DFFB: variants seen among roughly 807,000 people sequenced by gnomAD.
DFFB encodes DNA fragmentation factor subunit beta.
Under a neutral mutation model 32.7 loss-of-function variants are expected in DFFB, and 29 were observed. That is an observed-to-expected ratio of 0.89 (90% CI 0.66 to 1.21). The LOEUF (loss-of-function observed/expected upper bound fraction) is 1.21. Ranked by LOEUF, DFFB falls within the 50% of genes most tolerant of loss-of-function variation. The probability of loss-of-function intolerance (pLI) is 0.00; values close to 1 mark genes in which losing one functional copy is unlikely to be tolerated. For synonymous variants in DFFB, 170 were observed against 177.1 expected (o/e 0.96, Z 0.32); for missense variants, 398 against 440.6 (o/e 0.90, Z 0.87).
At chr1:3,862,167 T>C (rs1261455120) in intron 2 of DFFB, among the ~76,000 whole-genome samples, 1 of 152,238 alleles carries the variant, frequency 6.6e-6, no homozygotes, top group Non-Finnish European at 1.5e-5. Context: ...CAAAAAATTG[T>C]AATACTTATA....
In DFFB at chr1:3,884,002, G is replaced by A; in HGVS notation, c.*261G>A. On this transcript the variant is annotated 3_prime_UTR_variant, in exon 7 of 7. Transcript: ENST00000378209. Reference sequence around the variant, plus strand: ...AGTGTAGTGGCGCGATCTCGGCTCAGCCTCCCGAGTAGCTGGGATTACAGG... The same window carrying A: ...AGTGTAGTGGCGCGATCTCGGCTCAACCTCCCGAGTAGCTGGGATTACAGG... 1 of 441,660 alleles carries A rather than the reference G, an allele frequency of 2.3e-6. No homozygotes were observed. The highest frequency in any genetic ancestry group is 4.1e-6 in the Non-Finnish European group (1 of 243,018). The allele number at this position is 441,660 out of a possible 1,614,324, so 27.4% of individuals were successfully genotyped here. A position where few individuals can be genotyped will look rare whatever the true frequency, so the allele number is the denominator to read the frequency against.
intron 3 of DFFB, 195 bp downstream of exon 3, chr1:3,866,195 G>T (rs151328209): frequency 1.6e-5 from 11 of 691,496 alleles, no homozygotes; most frequent in Non-Finnish European, 2.9e-5. Flanking sequence ...AAGGACTCAG[G>T]TGGGGCCAGA....
intron 2 of DFFB, among the ~76,000 whole-genome samples, chr1:3,861,505 T>C (rs1309707866): frequency 6.6e-6 from 1 of 152,176 alleles, no homozygotes; most frequent in South Asian, 2.1e-4. Flanking sequence ...CATAGCTCAC[T>C]CTAGCTTTCA....
intron 6 of DFFB, among the ~76,000 whole-genome samples, chr1:3,883,247 C>T (rs1389622971): frequency 6.6e-6 from 1 of 152,182 alleles, no homozygotes; most frequent in Non-Finnish European, 1.5e-5. Flanking sequence ...TCAAGTGATC[C>T]ACCCGCCTCG....
chr1:3,876,519 A>G (rs1355699770), intron 6 of DFFB, among the ~76,000 whole-genome samples: 2 of 152,220 alleles, frequency 1.3e-5, no homozygotes, highest in Non-Finnish European at 2.9e-5. Context: ...AGTTGCAGAG[A>G]CAGTGGTCTG....
chr1:3,878,532 C>A (rs893784133), intron 6 of DFFB, among the ~76,000 whole-genome samples: 1 of 152,208 alleles, frequency 6.6e-6, no homozygotes, highest in Non-Finnish European at 1.5e-5. Flanking sequence ...TTTGTACCCA[C>A]CATGCCGCAT....
At chr1:3,879,651 G>A (rs559529852) in intron 6 of DFFB, among the ~76,000 whole-genome samples, 1 of 152,120 alleles carries the variant, frequency 6.6e-6, no homozygotes, top group Non-Finnish European at 1.5e-5. Flanking sequence ...CAGCCTCCAG[G>A]ACTGTGAGAG....
At position 3,875,251 on chromosome 1, in the gene DFFB, G is replaced by T. The variant is rs72848484; in HGVS notation, c.782+2679G>T. 3.6e-3 allele frequency among the ~76,000 whole-genome samples: 544 copies of T among 152,280 alleles called. 2 individuals carry two copies. Among genetic ancestry groups the T allele is most frequent in the African/African-American group, 0.012 (519 of 41,556 alleles). On this transcript the variant is annotated intron_variant, in intron 6 of 6. Transcript: ENST00000378209. ...GAATGAACCCATATGGTCTGGTTCC[G>T]TGCTATTTAAAGTGTGGTTACTTTC...
At chr1:3,877,327 A>ATTTTTTTT (rs1645243092) in intron 6 of DFFB, among the ~76,000 whole-genome samples, 1 of 88,982 alleles carries the variant, frequency 1.1e-5, no homozygotes, top group Admixed American at 1.1e-4. Flanking sequence ...TTGGGAGTTC[A>ATTTTTTTT]GTTTTTTTTT....
In DFFB at chr1:3,872,493, T is replaced by C; in HGVS notation, c.703T>C (p.Cys235Arg). The C allele has an allele frequency of 6.2e-7, 1 of 1,613,834 alleles. No individual in the cohort carries two copies. Among genetic ancestry groups the C allele is most frequent in the Non-Finnish European group, 8.5e-7 (1 of 1,179,986 alleles). ...CCAGGGTCCCTTTGACATGGACAGC[T>C]GCTTATCAAGACACTCCATCAACCC... ...SCQGPFDMDS[C>R]LSRHSINPYS... The change falls in exon 6 of 7, where the codon TGC (cysteine) becomes CGC (arginine). Residue 235 changes from cysteine to arginine, a missense_variant. Coordinates refer to ENST00000378209, the MANE Select transcript of DFFB (RefSeq NM_004402.4).
rs565858293 is a variant in DFFB at position 3,864,688 on chromosome 1, G to A, written c.242-1124G>A. On this transcript the variant is annotated intron_variant, in intron 2 of 6. Transcript: ENST00000378209. ...CTACAGGTGTGCACCCCCATGTGCC[G>A]CTAATTATTATGATTTTTTTTAGAG... Among the ~76,000 whole-genome samples, 6 of 151,958 alleles carry A rather than the reference G, an allele frequency of 3.9e-5. No individual in the cohort carries two copies. The East Asian group carries it at 5.8e-4, about 15-fold the overall frequency.
In DFFB at chr1:3,872,918, A is replaced by T. The variant is rs566110064; in HGVS notation, c.782+346A>T. Reference sequence around the variant, plus strand: ...CAGCCCTTGGCTGTCAGAGGTTCTGAACCTCTGTGAGTTTGAACCAGGGTG... The same window carrying T: ...CAGCCCTTGGCTGTCAGAGGTTCTGTACCTCTGTGAGTTTGAACCAGGGTG... On this transcript the variant is annotated intron_variant, in intron 6 of 6. Coordinates refer to ENST00000378209, the MANE Select transcript of DFFB (RefSeq NM_004402.4). 77 of 1,216,016 alleles carry T rather than the reference A, an allele frequency of 6.3e-5. No homozygotes were observed. In the African/African-American group the frequency reaches 1.1e-3, roughly 18 times the overall value. 75.3% of individuals were successfully genotyped at this position (1,216,016 alleles called of 1,614,324 possible). A position where few individuals can be genotyped will look rare whatever the true frequency, so the allele number is the denominator to read the frequency against.
intron 5 of DFFB, among the ~76,000 whole-genome samples, chr1:3,870,782 G>A (rs1645096591): frequency 6.6e-6 from 1 of 152,166 alleles, no homozygotes; most frequent in Non-Finnish European, 1.5e-5. Flanking sequence ...AGGTGGGGGT[G>A]CAAGAGTGAG....
chr1:3,883,654 C>A lies in DFFB; in HGVS notation c.930C>A (p.Thr310=), dbSNP rs144923358. Residue 310 remains threonine (T), a synonymous_variant, in exon 7 of 7, where the codon ACC becomes ACA. Coordinates refer to ENST00000378209, the MANE Select transcript of DFFB (RefSeq NM_004402.4). The part of the protein sequence containing the change: ...KLVHIVCHKK[T]THKLNCDPSR... ...TGCACATTGTCTGCCATAAGAAAAC[C>A]ACCCACAAGCTCAACTGTGACCCAA... 6.2e-7 allele frequency: 1 copy of A among 1,614,062 alleles called. No homozygotes were observed. The highest frequency in any genetic ancestry group is 1.3e-5 in the African/African-American group (1 of 75,004).
In DFFB at chr1:3,877,576, C is replaced by T. The variant is rs538185187; in HGVS notation, c.782+5004C>T. On this transcript the variant is annotated intron_variant, in intron 6 of 6. Transcript: ENST00000378209. ...AACTTCTGACCTCAAGTAATCCACC[C>T]GCCTCAGCCTCCCAAAGTGCTGGGA... Among the ~76,000 whole-genome samples the T allele has an allele frequency of 6.0e-3, 916 of 151,944 alleles. 5 individuals carry two copies. The highest frequency in any genetic ancestry group is 0.01 in the Middle Eastern group (3 of 294).
chr1:3,876,549 G>A (rs968379168), intron 6 of DFFB, among the ~76,000 whole-genome samples: 2 of 152,232 alleles, frequency 1.3e-5, no homozygotes, highest in Non-Finnish European at 2.9e-5. Flanking sequence ...GGCCTGTCCT[G>A]ACGTTTGTGG....
chr1:3,880,879 C>G (rs953053536), intron 6 of DFFB, among the ~76,000 whole-genome samples: 2 of 152,196 alleles, frequency 1.3e-5, no homozygotes, highest in African/African-American at 2.4e-5. Context: ...CCCAGGGTTT[C>G]CCTGTGACTT....
chr1:3,861,797 C>T (rs775755768), intron 2 of DFFB, among the ~76,000 whole-genome samples: 15 of 152,162 alleles, frequency 9.9e-5, no homozygotes, highest in Admixed American at 2.6e-4. Context: ...TACAGTGCTG[C>T]GTTGTGTGGT....
chr1:3,880,175 C>T (rs1645307508), intron 6 of DFFB, among the ~76,000 whole-genome samples: 1 of 152,136 alleles, frequency 6.6e-6, no homozygotes, highest in East Asian at 1.9e-4. Context: ...CTGTGTGAGC[C>T]CCAGTAAAGG....
Sources: allele counts gnomAD v4.1 joint callset (sites outside exome capture counted in the v4.1 genomes callset), GRCh38; gene constraint gnomAD v4.1.1; transcripts MANE v1.5; gene names NCBI Gene and HGNC (gene_info 2026-07-23, HGNC 2026-07-21).